Variants in DCC observed in about 807,000 individuals in gnomAD.
The protein encoded by DCC is netrin receptor DCC.
A neutral mutation model predicts 172.5 loss-of-function variants in DCC; 58 were observed. The observed-to-expected ratio is 0.34, with a 90% CI of 0.27 to 0.42. The LOEUF (loss-of-function observed/expected upper bound fraction) is 0.42. DCC is among the 10% of genes least tolerant of loss of function. DCC has a pLI of 1.00. For missense variants in DCC, 1,740 were observed against 1,791.0 expected, an observed-to-expected ratio of 0.97 and a Z score of 0.51; for synonymous variants, 709 against 644.5, an observed-to-expected ratio of 1.10 and a Z score of -1.52.
intron 21 of DCC, among the ~76,000 whole-genome samples, chr18:53,430,203 A>T (rs957108897): frequency 9.8e-5 from 15 of 152,290 alleles, no homozygotes; most frequent in Middle Eastern, 3.4e-3. Flanking sequence ...GATCAAGAAG[A>T]TATCTCAGTG....
chr18:52,362,668 A>T (rs752128285), intron 1 of DCC, among the ~76,000 whole-genome samples: 4 of 152,162 alleles, frequency 2.6e-5, no homozygotes, highest in Non-Finnish European at 5.9e-5. Flanking sequence ...AGGAACCTTA[A>T]AAAAATAGAA....
chr18:53,467,876 G>A lies in DCC; in HGVS notation c.3620-18G>A. 2 of 1,254,800 alleles carry A rather than the reference G, an allele frequency of 1.6e-6. No individual in the cohort carries two copies. The highest frequency in any genetic ancestry group is 2.3e-6 in the Non-Finnish European group (2 of 851,710). The allele number at this position is 1,254,800 out of a possible 1,614,324, so 77.7% of individuals were successfully genotyped here. Reference sequence around the variant, plus strand: ...ATCCTTGAAGAGGGCATGTTTCTCAGGAGTGTGTATTTTTTAGGTCAAGAC... The same window carrying A: ...ATCCTTGAAGAGGGCATGTTTCTCAAGAGTGTGTATTTTTTAGGTCAAGAC... On this transcript the variant is annotated intron_variant, in intron 24 of 28. Transcript: ENST00000442544.
rs560301302 is a variant in DCC, at chr18:52,580,959, G to C, written c.92-171095G>C. Among the ~76,000 whole-genome samples, 48 of 152,150 alleles carry C rather than the reference G, an allele frequency of 3.2e-4. No homozygotes were observed. In the South Asian group the frequency reaches 9.3e-3, roughly 30 times the overall value. ...TAAATACTCCAGATTTTTCCTTCAAGTATCTGTTCAATGTGTTCAGTTCTG... is the reference window on the plus strand; with the variant it reads ...TAAATACTCCAGATTTTTCCTTCAACTATCTGTTCAATGTGTTCAGTTCTG... On this transcript the variant is annotated intron_variant, in intron 1 of 28. Transcript: ENST00000442544.
intron 5 of DCC, among the ~76,000 whole-genome samples, chr18:53,048,203 G>C (rs577754834): frequency 1.2e-4 from 18 of 151,526 alleles, no homozygotes; most frequent in African/African-American, 4.4e-4. Flanking sequence ...TGTTTTACAG[G>C]TTATTTCATC....
intron 8 of DCC, among the ~76,000 whole-genome samples, chr18:53,170,019 T>C (rs1218312939): frequency 6.6e-6 from 1 of 152,116 alleles, no homozygotes; most frequent in African/African-American, 2.4e-5. Flanking sequence ...TGTTTACAGC[T>C]ATTAAAGCCT....
intron 12 of DCC, among the ~76,000 whole-genome samples, chr18:53,260,095 T>G (rs1434332112): frequency 8.5e-5 from 13 of 152,180 alleles, no homozygotes; most frequent in Admixed American, 8.5e-4. Context: ...ATTCTAGTTA[T>G]CCATTTGTCT....
intron 1 of DCC, among the ~76,000 whole-genome samples, chr18:52,586,487 G>A (rs2033677388): frequency 6.6e-6 from 1 of 152,094 alleles, no homozygotes; most frequent in South Asian, 2.1e-4. Context: ...AAGGTAGGAG[G>A]AGCCCAAAGT....
At chr18:52,568,740 A>G (rs927793171) in intron 1 of DCC, among the ~76,000 whole-genome samples, 2 of 152,172 alleles carry the variant, frequency 1.3e-5, no homozygotes, top group African/African-American at 4.8e-5. Flanking sequence ...GACAAAAAGC[A>G]CAGGTGAGCT....
chr18:53,430,687 A>G (rs1911556846), intron 21 of DCC, among the ~76,000 whole-genome samples: 1 of 152,184 alleles, frequency 6.6e-6, no homozygotes, highest in East Asian at 1.9e-4. Flanking sequence ...AAATTGCATA[A>G]TAGTAATAAC....
chr18:53,372,683 A>G (rs1040737081), intron 15 of DCC, among the ~76,000 whole-genome samples: 4 of 152,156 alleles, frequency 2.6e-5, no homozygotes, highest in Admixed American at 1.3e-4. Context: ...AGACAAGCAT[A>G]TATGAAACCT....
At chr18:52,605,493 T>C (rs1290503939) in intron 1 of DCC, among the ~76,000 whole-genome samples, 1 of 152,170 alleles carries the variant, frequency 6.6e-6, no homozygotes, top group Non-Finnish European at 1.5e-5. Context: ...GCAAGCAGCA[T>C]ACAAAGATGT....
At chr18:53,027,437 G>A (rs1011085904) in intron 5 of DCC, among the ~76,000 whole-genome samples, 1 of 152,056 alleles carries the variant, frequency 6.6e-6, no homozygotes, top group East Asian at 1.9e-4. Context: ...AGTTTATAAA[G>A]AGCTCTAAAT....
At chr18:53,322,382 A>G (rs773257066) in intron 14 of DCC, among the ~76,000 whole-genome samples, 10 of 152,210 alleles carry the variant, frequency 6.6e-5, no homozygotes, top group Non-Finnish European at 1.0e-4. Flanking sequence ...TGCAATAATC[A>G]TGGTCCTCAA....
Position 53,264,214 on chromosome 18 carries a change from C to T in DCC, c.1912-41364C>T, listed in dbSNP as rs564417679. Among the ~76,000 whole-genome samples, 15 of 152,070 alleles carry T rather than the reference C, an allele frequency of 9.9e-5. No individual in the cohort carries two copies. In the East Asian group the frequency reaches 1.6e-3, roughly 16 times the overall value. On this transcript the variant is annotated intron_variant, in intron 12 of 28. Transcript: ENST00000442544. ...TATTTAAAAGAAACACAGGGCTAGG[C>T]GCGGTGGCTCATGCCTGTAATCCCA... is the stretch of plus-strand genomic sequence containing the variant.
chr18:52,417,001 T>G (rs979004849), intron 1 of DCC, among the ~76,000 whole-genome samples: 1 of 152,216 alleles, frequency 6.6e-6, no homozygotes, highest in South Asian at 2.1e-4. Flanking sequence ...GATTTTGCAG[T>G]GGCTGGTACC....
At chr18:53,405,352 A>G (rs1014466832) in intron 19 of DCC, among the ~76,000 whole-genome samples, 2 of 152,130 alleles carry the variant, frequency 1.3e-5, no homozygotes, top group Admixed American at 6.5e-5. Flanking sequence ...CAGGCTTCTA[A>G]GGGAGACACA....
At chr18:53,287,449 T>G (rs1021798441) in intron 12 of DCC, among the ~76,000 whole-genome samples, 1 of 152,226 alleles carries the variant, frequency 6.6e-6, no homozygotes, top group Non-Finnish European at 1.5e-5. Flanking sequence ...CTATGAACAT[T>G]TGTAAATAAG....
intron 5 of DCC, among the ~76,000 whole-genome samples, chr18:53,002,935 C>CT (rs1007860965): frequency 5.3e-5 from 8 of 151,932 alleles, no homozygotes; most frequent in Non-Finnish European, 1.0e-4. Flanking sequence ...CTTTGTGTTT[C>CT]TTTTTTTGAT....
chr18:52,574,066 T>C (rs2033358319), intron 1 of DCC, among the ~76,000 whole-genome samples: 1 of 152,206 alleles, frequency 6.6e-6, no homozygotes, highest in Admixed American at 6.5e-5. Context: ...TCTTTTGTAG[T>C]CTACAGCATG....
Sources: gnomAD v4.1 joint callset for allele counts (sites outside exome capture counted in the v4.1 genomes callset) on GRCh38, gnomAD v4.1.1 for gene constraint, MANE v1.5 for transcripts, NCBI Gene and HGNC (gene_info 2026-07-23, HGNC 2026-07-21) for gene names.